ADAMTS3: variants seen among roughly 807,000 people sequenced by gnomAD.
The protein encoded by ADAMTS3 is ADAM metallopeptidase with thrombospondin type 1 motif 3, also known as A disintegrin and metalloproteinase with thrombospondin motifs 3.
A neutral mutation model predicts 129.0 loss-of-function variants in ADAMTS3; 73 were observed. The observed-to-expected ratio is 0.57, with a 90% CI of 0.47 to 0.69. ADAMTS3 has a LOEUF of 0.69. Among genes scored for constraint, ADAMTS3 ranks in the 30% least tolerant of loss-of-function variants. The pLI is 0.00. For missense variants in ADAMTS3, 1,457 were observed against 1,514.5 expected (o/e 0.96, Z 0.63); for synonymous variants, 477 against 510.8 (o/e 0.93, Z 0.89).
chr4:72,541,629 A>G (rs918421064), intron 3 of ADAMTS3, among the ~76,000 whole-genome samples: 4 of 152,146 alleles, frequency 2.6e-5, no homozygotes, highest in African/African-American at 9.7e-5. Flanking sequence ...AGTGAGAGGT[A>G]ATTGAATCAT....
intron 10 of ADAMTS3, among the ~76,000 whole-genome samples, chr4:72,316,278 A>C (rs1477056662): frequency 1.3e-5 from 2 of 152,190 alleles, no homozygotes; most frequent in African/African-American, 2.4e-5. Context: ...TTTTCTAAAG[A>C]CTTAGTAATT....
chr4:72,541,816 C>A (rs1721334211), intron 3 of ADAMTS3, among the ~76,000 whole-genome samples: 1 of 152,170 alleles, frequency 6.6e-6, no homozygotes, highest in Admixed American at 6.5e-5. Flanking sequence ...CCATGTGGAA[C>A]TGTGAGTCCA....
At chr4:72,364,812 C>T (rs559969102) in intron 4 of ADAMTS3, among the ~76,000 whole-genome samples, 1 of 152,002 alleles carries the variant, frequency 6.6e-6, no homozygotes, top group Non-Finnish European at 1.5e-5. Context: ...TGGTCTCAAA[C>T]TCATGGCCTG....
chr4:72,399,838 T>C (rs192753113), intron 4 of ADAMTS3, among the ~76,000 whole-genome samples: 6,765 of 98,040 alleles, frequency 0.069, 1,906 homozygotes, highest in Admixed American at 0.1. Context: ...TGTGTATATA[T>C]ATACACACAC....
chr4:72,329,663 C>G (rs1219767120), intron 5 of ADAMTS3, among the ~76,000 whole-genome samples: 1 of 151,656 alleles, frequency 6.6e-6, no homozygotes, highest in Non-Finnish European at 1.5e-5. Flanking sequence ...ACAGTCACTC[C>G]AAAAATCCCC....
intron 3 of ADAMTS3, among the ~76,000 whole-genome samples, chr4:72,417,405 A>G (rs1348305884): frequency 6.6e-6 from 1 of 152,180 alleles, no homozygotes. Context: ...GCTATGGCAA[A>G]CATTCAAATT....
At chr4:72,567,625 T>G (rs1025884282) in intron 1 of ADAMTS3, among the ~76,000 whole-genome samples, 1 of 152,212 alleles carries the variant, frequency 6.6e-6, no homozygotes, top group Non-Finnish European at 1.5e-5. Context: ...TCATTTTAAT[T>G]TAACACTTAT....
At chr4:72,518,293 C>T (rs553476579) in intron 3 of ADAMTS3, among the ~76,000 whole-genome samples, 1 of 152,186 alleles carries the variant, frequency 6.6e-6, no homozygotes, top group South Asian at 2.1e-4. Context: ...TGGTATGGTG[C>T]TGAAAAAAAT....
chr4:72,523,150 G>GA (rs1720717385), intron 3 of ADAMTS3, among the ~76,000 whole-genome samples: 2 of 151,654 alleles, frequency 1.3e-5, no homozygotes, highest in Non-Finnish European at 2.9e-5. Flanking sequence ...ATAAAAAAAA[G>GA]AAAAAGTAAG....
chr4:72,498,011 T>C (rs1179279555), intron 3 of ADAMTS3, among the ~76,000 whole-genome samples: 6 of 152,154 alleles, frequency 3.9e-5, no homozygotes, highest in Admixed American at 3.3e-4. Flanking sequence ...ATTTGGCCCT[T>C]AGCTCTCTAA....
At chr4:72,292,228 C>A (rs1718691298) in intron 19 of ADAMTS3, among the ~76,000 whole-genome samples, 1 of 152,316 alleles carries the variant, frequency 6.6e-6, no homozygotes, top group East Asian at 1.9e-4. Flanking sequence ...AGTTAAAAAT[C>A]TGGTTCACAT....
Position 72,552,841 on chromosome 4 carries a change from C to A in ADAMTS3, c.98-3957G>T, listed in dbSNP as rs941695143. 3.3e-5 allele frequency among the ~76,000 whole-genome samples: 5 copies of A among 152,130 alleles called. 1 individual carries two copies. In the South Asian group the frequency reaches 1.0e-3, roughly 31 times the overall value. ...ACTAGCAACCATTTTACCCTCTGTC[C>A]CCCTTCTGTGTCTTACCTTTCGCCA... On this transcript the variant is annotated intron_variant, in intron 2 of 21. Coordinates refer to ENST00000286657, the MANE Select transcript of ADAMTS3 (RefSeq NM_014243.3).
At chr4:72,286,220 C>A (rs1718502373) in intron 21 of ADAMTS3, among the ~76,000 whole-genome samples, 1 of 152,152 alleles carries the variant, frequency 6.6e-6, no homozygotes, top group Admixed American at 6.6e-5. Flanking sequence ...TGTACCAGCT[C>A]CAAGATCAAT....
In ADAMTS3 at chr4:72,364,736, C is replaced by T. The variant is rs565445692; in HGVS notation, c.662-25043G>A. 1.1e-4 allele frequency among the ~76,000 whole-genome samples: 16 copies of T among 151,918 alleles called. 1 individual carries two copies. The South Asian group carries it at 3.3e-3, about 32-fold the overall frequency. ...GAATATATACCACCTCCAGTTAGTT[C>T]ATGTTTGTTTCTTAATTTTTAAAAA... On this transcript the variant is annotated intron_variant, in intron 4 of 21. Transcript: ENST00000286657.
intron 3 of ADAMTS3, among the ~76,000 whole-genome samples, chr4:72,489,498 G>C (rs1356187645): frequency 6.6e-6 from 1 of 151,900 alleles, no homozygotes; most frequent in Admixed American, 6.6e-5. Flanking sequence ...CTACCCACTT[G>C]TTAATCATCA....
At chr4:72,496,023 T>C (rs1272117857) in intron 3 of ADAMTS3, among the ~76,000 whole-genome samples, 1 of 152,194 alleles carries the variant, frequency 6.6e-6, no homozygotes, top group African/African-American at 2.4e-5. Context: ...ATGACTATAA[T>C]GGGAGAGCTT....
At chr4:72,423,149 A>G (rs918508898) in intron 3 of ADAMTS3, among the ~76,000 whole-genome samples, 1 of 152,160 alleles carries the variant, frequency 6.6e-6, no homozygotes, top group Non-Finnish European at 1.5e-5. Context: ...AGAGATGGGT[A>G]GCTTTTTTTG....
chr4:72,488,495 C>T (rs768629907), intron 3 of ADAMTS3, among the ~76,000 whole-genome samples: 2 of 151,824 alleles, frequency 1.3e-5, no homozygotes, highest in African/African-American at 2.4e-5. Context: ...TTTGGTAGTG[C>T]CTGAGATGAT....
intron 3 of ADAMTS3, among the ~76,000 whole-genome samples, chr4:72,501,466 T>C (rs187693787): frequency 6.6e-6 from 1 of 152,302 alleles, no homozygotes; most frequent in African/African-American, 2.4e-5. Flanking sequence ...TACATTGATT[T>C]TGTATCCTGA....
Sources: gnomAD v4.1 joint callset for allele counts (sites outside exome capture counted in the v4.1 genomes callset) on GRCh38, gnomAD v4.1.1 for gene constraint, MANE v1.5 for transcripts, NCBI Gene and HGNC (gene_info 2026-07-23, HGNC 2026-07-21) for gene names.